The following FKBP5 variants were observed in gnomAD, a reference collection of about 807,000 sequenced individuals.
The protein encoded by FKBP5 is peptidyl-prolyl cis-trans isomerase FKBP5.
A neutral mutation model predicts 50.5 loss-of-function variants in FKBP5; 23 were observed. The ratio of observed to expected loss-of-function variants is 0.46; its 90% CI spans 0.33 to 0.65. FKBP5 has a LOEUF of 0.65. FKBP5 is among the 30% of genes least tolerant of loss of function. The pLI is 0.02. For synonymous variants in FKBP5, 176 were observed against 190.6 expected (o/e 0.92, Z 0.63); for missense variants, 411 against 553.1 (o/e 0.74, Z 2.58).
intron 8 of FKBP5, chr6:35,583,764 T>G: frequency 1.0e-6 from 1 of 985,290 alleles, no homozygotes; most frequent in Non-Finnish European, 1.2e-6. Flanking sequence ...GTTGAAAAAT[T>G]CTGCACTAAA....
intron 2 of FKBP5, among the ~76,000 whole-genome samples, chr6:35,714,929 A>AT (rs1190934751): frequency 1.3e-5 from 2 of 151,590 alleles, no homozygotes; most frequent in African/African-American, 2.4e-5. Context: ...TTATTTATTA[A>AT]TTTTTTTAAT....
At chr6:35,595,472 C>T (rs1462379267) in intron 6 of FKBP5, among the ~76,000 whole-genome samples, 3 of 152,160 alleles carry the variant, frequency 2.0e-5, no homozygotes, top group Non-Finnish European at 4.4e-5. Context: ...GATGGCCTGG[C>T]GCAGTGGCTC....
At chr6:35,604,573 T>C (rs950400470) in intron 5 of FKBP5, among the ~76,000 whole-genome samples, 3 of 151,606 alleles carry the variant, frequency 2.0e-5, no homozygotes. Context: ...CACAGCTCCA[T>C]CAGATCTCAA....
At chr6:35,623,014 G>A (rs966668782) in intron 3 of FKBP5, among the ~76,000 whole-genome samples, 10 of 151,912 alleles carry the variant, frequency 6.6e-5, no homozygotes, top group Non-Finnish European at 8.8e-5. Context: ...AGGCTGAGGC[G>A]GGCGGATCAC....
At position 35,698,432 on chromosome 6, in the gene FKBP5, A is replaced by G. The variant is rs190007273; in HGVS notation, c.-20+21896T>C. 7.1e-3 allele frequency among the ~76,000 whole-genome samples: 1,075 copies of G among 152,224 alleles called. 24 individuals are homozygous for G. The highest frequency in any genetic ancestry group is 0.025 in the African/African-American group (1,026 of 41,544). On this transcript the variant is annotated intron_variant, in intron 2 of 11. Coordinates refer to the FKBP5 transcript ENST00000536438. ...GGAAACCTAGGTGGCAGATCACCTGAGGTCAGGAGTTGGAGACCAGCCTGG... is the reference window on the plus strand; with the variant it reads ...GGAAACCTAGGTGGCAGATCACCTGGGGTCAGGAGTTGGAGACCAGCCTGG...
At chr6:35,702,026 T>G (rs1211398024) in intron 2 of FKBP5, among the ~76,000 whole-genome samples, 1 of 152,068 alleles carries the variant, frequency 6.6e-6, no homozygotes, top group Non-Finnish European at 1.5e-5. Flanking sequence ...TTGTGTATTT[T>G]TAGTAGAGAT....
chr6:35,630,861 T>G (rs1019650175), intron 3 of FKBP5, among the ~76,000 whole-genome samples: 13 of 152,256 alleles, frequency 8.5e-5, no homozygotes, highest in Middle Eastern at 3.4e-3. Flanking sequence ...AAGTAAAAAC[T>G]TTTACTTTTC....
At chr6:35,623,896 T>C (rs1318781983) in intron 3 of FKBP5, among the ~76,000 whole-genome samples, 1 of 152,148 alleles carries the variant, frequency 6.6e-6, no homozygotes, top group Non-Finnish European at 1.5e-5. Context: ...ATATGGAGTC[T>C]TGCTACATTG....
chr6:35,662,276 CTTTTT>C (rs35904480), intron 1 of FKBP5, among the ~76,000 whole-genome samples: 2 of 138,854 alleles, frequency 1.4e-5, no homozygotes, highest in African/African-American at 2.7e-5. Flanking sequence ...ATTTACGTGT[CTTTTT>C]TTTTTTTTTT....
At chr6:35,709,521 T>C (rs896937868) in intron 2 of FKBP5, among the ~76,000 whole-genome samples, 2 of 152,256 alleles carry the variant, frequency 1.3e-5, no homozygotes, top group African/African-American at 4.8e-5. Context: ...AAATATAACT[T>C]ATTCAAAAGT....
intron 1 of FKBP5, among the ~76,000 whole-genome samples, chr6:35,723,783 G>A (rs1000400268): frequency 2.0e-5 from 3 of 152,238 alleles, no homozygotes; most frequent in African/African-American, 7.2e-5. Flanking sequence ...GGCAGATAAG[G>A]CTGGCACGGG....
At chr6:35,638,584 A>AT (rs1554134752) in intron 2 of FKBP5, among the ~76,000 whole-genome samples, 2 of 151,954 alleles carry the variant, frequency 1.3e-5, no homozygotes, top group Admixed American at 6.6e-5. Context: ...CGCCTGGCAA[A>AT]TTTTTTTATT....
upstream of FKBP5, among the ~76,000 whole-genome samples, chr6:35,693,153 T>TTC (rs1394917432): frequency 5.7e-5 from 8 of 139,346 alleles, no homozygotes; most frequent in South Asian, 2.2e-4. Flanking sequence ...TCTTTTTCTT[T>TTC]TCTCTCTCTC....
At chr6:35,680,014 TA>T (rs776448423) in intron 1 of FKBP5, among the ~76,000 whole-genome samples, 6 of 152,106 alleles carry the variant, frequency 3.9e-5, no homozygotes, top group Non-Finnish European at 8.8e-5. Flanking sequence ...TTATGTTGAA[TA>T]TCAATGATTA....
chr6:35,598,077 A>T (rs919052547), intron 5 of FKBP5, among the ~76,000 whole-genome samples: 1 of 152,206 alleles, frequency 6.6e-6, no homozygotes, highest in African/African-American at 2.4e-5. Context: ...AAATATTAGG[A>T]GGTCAATTTT....
chr6:35,694,877 A>G (rs1049199902), intron 2 of FKBP5, among the ~76,000 whole-genome samples: 7 of 152,220 alleles, frequency 4.6e-5, no homozygotes, highest in Non-Finnish European at 8.8e-5. Context: ...GATAGTATAT[A>G]GTTTAGACTT....
At chr6:35,719,093 G>A (rs1055385126) in intron 2 of FKBP5, among the ~76,000 whole-genome samples, 4 of 152,134 alleles carry the variant, frequency 2.6e-5, no homozygotes, top group Non-Finnish European at 5.9e-5. Flanking sequence ...AAGCCCTCTG[G>A]TCCCAACCCT....
intron 1 of FKBP5, among the ~76,000 whole-genome samples, chr6:35,655,824 G>A (rs935268755): frequency 2.6e-5 from 4 of 152,114 alleles, no homozygotes; most frequent in African/African-American, 9.7e-5. Flanking sequence ...TTCTAATCAG[G>A]AGTACTAATT....
chr6:35,711,554 G>A (rs555853862), intron 2 of FKBP5, among the ~76,000 whole-genome samples: 2 of 151,982 alleles, frequency 1.3e-5, no homozygotes. Flanking sequence ...GGAGGTGAAG[G>A]CTACAGTGAG....
Sources: allele counts gnomAD v4.1 joint callset (sites outside exome capture counted in the v4.1 genomes callset), GRCh38; gene constraint gnomAD v4.1.1; transcripts MANE v1.5; gene names NCBI Gene and HGNC (gene_info 2026-07-23, HGNC 2026-07-21).